The following RBFOX2 variants were observed in gnomAD, a reference collection of about 807,000 sequenced individuals.
RBFOX2 encodes RNA binding protein fox-1 homolog 2.
A neutral mutation model predicts 49.1 loss-of-function variants in RBFOX2; 10 were observed. The ratio of observed to expected loss-of-function variants is 0.20; its 90% CI spans 0.13 to 0.35. The LOEUF is 0.35. RBFOX2 is among the 10% of genes least tolerant of loss of function. The pLI, the probability that RBFOX2 is intolerant of heterozygous loss-of-function variation, is 1.00. For missense variants in RBFOX2, 323 were observed against 486.9 expected (o/e 0.66, Z 3.17); for synonymous variants, 183 against 187.4 (o/e 0.98, Z 0.19).
intron 1 of RBFOX2, among the ~76,000 whole-genome samples, chr22:35,875,164 C>T (rs1477030374): frequency 1.3e-5 from 2 of 152,134 alleles, no homozygotes; most frequent in African/African-American, 4.8e-5. Flanking sequence ...GGTTAAGCCA[C>T]TCAGACTGTG....
chr22:35,937,440 G>C (rs920021360), intron 1 of RBFOX2, among the ~76,000 whole-genome samples: 1 of 152,106 alleles, frequency 6.6e-6, no homozygotes. Context: ...TTCTTCTCCC[G>C]ATGCCTTATC....
At chr22:35,983,920 T>C (rs914458209) in intron 1 of RBFOX2, among the ~76,000 whole-genome samples, 1 of 152,224 alleles carries the variant, frequency 6.6e-6, no homozygotes, top group Non-Finnish European at 1.5e-5. Context: ...TGACACCATC[T>C]GTAAGATTTC....
At chr22:35,939,271 C>T, upstream of RBFOX2, 1 of 477,548 alleles carries the variant, frequency 2.1e-6, no homozygotes, top group South Asian at 1.6e-5. Context: ...GTTAGCACCC[C>T]TAAACACTAG....
chr22:35,772,256 G>A (rs1182223654), intron 4 of RBFOX2, among the ~76,000 whole-genome samples: 2 of 152,030 alleles, frequency 1.3e-5, no homozygotes, highest in Non-Finnish European at 2.9e-5. Context: ...TGACATGTTT[G>A]TCTACACTAG....
chr22:35,761,007 C>CT (rs1174330215), intron 8 of RBFOX2, among the ~76,000 whole-genome samples, 195 bp downstream of exon 9: 1 of 152,140 alleles, frequency 6.6e-6, no homozygotes, highest in East Asian at 1.9e-4. Context: ...ACTATTTCTG[C>CT]TTTGTGCAAT....
intron 8 of RBFOX2, among the ~76,000 whole-genome samples, chr22:35,760,734 C>A (rs765773433): frequency 2.0e-5 from 3 of 152,114 alleles, no homozygotes; most frequent in Non-Finnish European, 4.4e-5. Flanking sequence ...GACATTGATT[C>A]CATGTCCACT....
At chr22:35,791,012 CA>C (rs954750735) in intron 2 of RBFOX2, among the ~76,000 whole-genome samples, 16 of 148,800 alleles carry the variant, frequency 1.1e-4, no homozygotes, top group African/African-American at 3.2e-4. Context: ...TGTCTCAAAA[CA>C]AAAAACAAAC....
intron 1 of RBFOX2, among the ~76,000 whole-genome samples, chr22:35,901,194 C>T (rs1466701682): frequency 3.9e-5 from 6 of 152,094 alleles, no homozygotes; most frequent in Non-Finnish European, 8.8e-5. Context: ...AATAAAGAGC[C>T]AAAAGTTCAA....
chr22:35,792,842 T>A (rs1948025796), intron 2 of RBFOX2, among the ~76,000 whole-genome samples: 1 of 152,262 alleles, frequency 6.6e-6, no homozygotes, highest in Admixed American at 6.5e-5. Flanking sequence ...CAGGATACTT[T>A]TCATTATGCC....
chr22:35,949,159 T>C (rs1024779973), intron 1 of RBFOX2, among the ~76,000 whole-genome samples: 3 of 152,368 alleles, frequency 2.0e-5, no homozygotes, highest in African/African-American at 7.2e-5. Context: ...TGTCAGAATT[T>C]CCTTCTAAGT....
chr22:35,808,211 A>C (rs1352416256), intron 2 of RBFOX2, among the ~76,000 whole-genome samples: 1 of 152,216 alleles, frequency 6.6e-6, no homozygotes, highest in Non-Finnish European at 1.5e-5. Flanking sequence ...TCAATACATC[A>C]GCCTGTACGT....
intron 2 of RBFOX2, among the ~76,000 whole-genome samples, chr22:35,801,006 T>G (rs1949682751): frequency 6.6e-6 from 1 of 152,140 alleles, no homozygotes; most frequent in Non-Finnish European, 1.5e-5. Context: ...AGAGGACTAG[T>G]GAATATACAC....
intron 3 of RBFOX2, among the ~76,000 whole-genome samples, 171 bp downstream of exon 4, chr22:35,781,429 C>T (rs1400705566): frequency 1.3e-5 from 2 of 152,182 alleles, no homozygotes; most frequent in African/African-American, 4.8e-5. Flanking sequence ...ATGTCTAGAG[C>T]AGACTGGATG....
intron 9 of RBFOX2, among the ~76,000 whole-genome samples, chr22:35,757,505 A>T (rs188414024): frequency 1.3e-4 from 20 of 152,338 alleles, no homozygotes; most frequent in African/African-American, 4.8e-4. Context: ...ACAATAAACA[A>T]GCTGACAAGT....
At chr22:35,745,217 G>T (rs1932085941) in intron 11 of RBFOX2, among the ~76,000 whole-genome samples, 1 of 152,208 alleles carries the variant, frequency 6.6e-6, no homozygotes, top group African/African-American at 2.4e-5. Flanking sequence ...GGATTAGAGA[G>T]AAAGCCCTGG....
intron 1 of RBFOX2, among the ~76,000 whole-genome samples, chr22:35,819,746 G>A (rs897382269): frequency 2.0e-5 from 3 of 152,198 alleles, no homozygotes; most frequent in Non-Finnish European, 2.9e-5. Flanking sequence ...TTACATTCTA[G>A]TAGGAAGAGA....
intron 1 of RBFOX2, among the ~76,000 whole-genome samples, chr22:35,905,936 A>G (rs1352711787): frequency 6.6e-6 from 1 of 152,214 alleles, no homozygotes; most frequent in African/African-American, 2.4e-5. Flanking sequence ...ATTGTGTTAC[A>G]ATTGCCTACA....
intron 1 of RBFOX2, chr22:35,961,504 C>A: frequency 7.7e-7 from 1 of 1,301,228 alleles, no homozygotes; most frequent in Non-Finnish European, 1.0e-6. Context: ...ACTGAAGCCA[C>A]AATTCCCCTG....
chr22:35,995,513 T>C (rs1367710226), intron 1 of RBFOX2: 1 of 152,148 alleles, frequency 6.6e-6, no homozygotes, highest in Non-Finnish European at 1.5e-5. Flanking sequence ...TCATCTCAAA[T>C]TGTAATCCCC....
Sources: gnomAD v4.1 joint callset for allele counts (sites outside exome capture counted in the v4.1 genomes callset) on GRCh38, gnomAD v4.1.1 for gene constraint, MANE v1.5 for transcripts, NCBI Gene and HGNC (gene_info 2026-07-23, HGNC 2026-07-21) for gene names.